Variants in VPS35L observed in about 807,000 individuals in gnomAD.
VPS35L encodes the protein VPS35 endosomal protein-sorting factor-like.
In VPS35L, 83 loss-of-function variants were observed where a neutral mutation model predicts 133.0. The ratio of observed to expected loss-of-function variants is 0.62; its 90% confidence interval spans 0.52 to 0.75. The LOEUF is 0.75. VPS35L is among the 30% of genes least tolerant of loss of function. The pLI is 0.00. For synonymous variants in VPS35L, 423 were observed against 449.9 expected (o/e 0.94, Z 0.76); for missense variants, 1,083 against 1,206.8 (o/e 0.90, Z 1.52).
chr16:19,601,956 C>T (rs1210331832), intron 9 of VPS35L, among the ~76,000 whole-genome samples: 1 of 152,092 alleles, frequency 6.6e-6, no homozygotes, highest in African/African-American at 2.4e-5. Flanking sequence ...AAAGGCCTCA[C>T]AGTTAGATTC....
chr16:19,674,184 CTTTTTTTT>C lies in VPS35L; in HGVS notation c.2361+4903_2361+4910del, dbSNP rs201038834. ...TACCTGGTTCAGTTTTTTTCTTTTTCTTTTTTTTTTTTTTTTTTTTTTTTTGGAGAATC... is the reference window on the plus strand; with the variant it reads ...TACCTGGTTCAGTTTTTTTCTTTTTCTTTTTTTTTTTTTTTTTGGAGAATC... On this transcript the variant is annotated intron_variant, in intron 27 of 30. Transcript: ENST00000417362. Among the ~76,000 whole-genome samples, 7 of 70,912 alleles carry C rather than the reference CTTTTTTTT, an allele frequency of 9.9e-5. 1 individual carries two copies. Among genetic ancestry groups the C allele is most frequent in the East Asian group, 4.7e-4 (1 of 2,132 alleles). 46.5% of individuals were successfully genotyped at this position (70,912 alleles called of 152,430 possible).
chr16:19,600,208 C>T (rs926124258), intron 8 of VPS35L, among the ~76,000 whole-genome samples: 5 of 151,026 alleles, frequency 3.3e-5, no homozygotes, highest in African/African-American at 1.2e-4. Flanking sequence ...TCTCTTTTTC[C>T]ATGTATGGAC....
At chr16:19,605,880 A>C (rs993034989) in intron 9 of VPS35L, among the ~76,000 whole-genome samples, 11 of 132,622 alleles carry the variant, frequency 8.3e-5, no homozygotes, top group Admixed American at 7.7e-4. Flanking sequence ...TGTAAGTTTC[A>C]TGAAGATAGG....
At chr16:19,671,255 G>A (rs1312051042) in intron 27 of VPS35L, among the ~76,000 whole-genome samples, 3 of 152,122 alleles carry the variant, frequency 2.0e-5, no homozygotes, top group African/African-American at 4.8e-5. Context: ...GATCACCTGA[G>A]GTCAGGAGTT....
intron 9 of VPS35L, among the ~76,000 whole-genome samples, chr16:19,605,477 G>A (rs1368228236): frequency 6.6e-6 from 1 of 152,206 alleles, no homozygotes; most frequent in East Asian, 1.9e-4. Flanking sequence ...TCCTCACCAA[G>A]GCTTCAGCCC....
At chr16:19,574,182 C>T (rs773173703) in intron 4 of VPS35L, among the ~76,000 whole-genome samples, 3 of 152,128 alleles carry the variant, frequency 2.0e-5, no homozygotes, top group Non-Finnish European at 4.4e-5. Context: ...AGAAAAGTCT[C>T]GAGGAGAGGA....
In VPS35L at chr16:19,693,882, G is replaced by A. The variant is rs553640010; in HGVS notation, c.2646+2411G>A. Reference sequence around the variant, plus strand: ...GAATTGAAGGCTGCGGCGGGAACTCGAGGCTGCAGTGAGCTGTGATCATGC... The same window carrying A: ...GAATTGAAGGCTGCGGCGGGAACTCAAGGCTGCAGTGAGCTGTGATCATGC... On this transcript the variant is annotated intron_variant, in intron 29 of 30. Transcript: ENST00000417362. Among the ~76,000 whole-genome samples the A allele has an allele frequency of 3.4e-3, 502 of 149,558 alleles. 8 individuals carry two copies. The highest frequency in any genetic ancestry group is 1.6e-3 in the East Asian group (8 of 5,062).
At chr16:19,568,322 A>G (rs563158788) in intron 2 of VPS35L, among the ~76,000 whole-genome samples, 3 of 147,750 alleles carry the variant, frequency 2.0e-5, no homozygotes, top group South Asian at 4.4e-4. Flanking sequence ...TTTTTTTGAG[A>G]CAGGGTCTCA....
intron 26 of VPS35L, among the ~76,000 whole-genome samples, chr16:19,662,060 A>T (rs1293059717): frequency 6.6e-6 from 1 of 152,134 alleles, no homozygotes; most frequent in Non-Finnish European, 1.5e-5. Context: ...AAAAATCAGC[A>T]GGCATGATGG....
At chr16:19,578,179 T>G (rs1597321898) in intron 5 of VPS35L, 5 of 432,952 alleles carry the variant, frequency 1.2e-5, no homozygotes, top group South Asian at 8.4e-5. Flanking sequence ...ACAGTAGAGT[T>G]GAGTAGTTGG....
At chr16:19,593,084 T>C (rs550450128) in intron 8 of VPS35L, among the ~76,000 whole-genome samples, 1 of 152,164 alleles carries the variant, frequency 6.6e-6, no homozygotes, top group Non-Finnish European at 1.5e-5. Flanking sequence ...ACCTCACAGG[T>C]AGAGAGACCT....
intron 7 of VPS35L, among the ~76,000 whole-genome samples, chr16:19,588,306 C>A (rs1971937645): frequency 6.6e-6 from 1 of 152,012 alleles, no homozygotes; most frequent in African/African-American, 2.4e-5. Flanking sequence ...CCCACCTCAG[C>A]CTCCCGAGTA....
chr16:19,633,289 C>G lies in VPS35L; in HGVS notation c.1635+117C>G. On this transcript the variant is annotated intron_variant, in intron 19 of 30. Transcript: ENST00000417362. This position sits in a 1 kb window ranked among gnomAD's most constrained non-coding sequence, Gnocchi z 4.1. ...ACATAATCCTGTGTTTGAATCATAG[C>G]TCTGCCATATCCTAGCCATGTGCCC... 2 of 933,974 alleles carry G rather than the reference C, an allele frequency of 2.1e-6. No individual in the cohort carries two copies. The highest frequency in any genetic ancestry group is 1.4e-5 in the South Asian group (1 of 70,174). 57.9% of individuals were successfully genotyped at this position (933,974 alleles called of 1,614,324 possible).
intron 12 of VPS35L, among the ~76,000 whole-genome samples, chr16:19,611,389 G>A (rs190043108): frequency 4.9e-4 from 75 of 152,206 alleles, no homozygotes; most frequent in African/African-American, 1.4e-3. Flanking sequence ...CTTCCCTATC[G>A]TCCCATCAGT....
intron 3 of VPS35L, among the ~76,000 whole-genome samples, chr16:19,572,756 T>C (rs2057648): frequency 0.29 from 44,173 of 151,952 alleles, 8,148 homozygotes; most frequent in African/African-American, 0.52. Flanking sequence ...AATCTTGGCT[T>C]ACTGCAACCT....
chr16:19,585,338 G>A (rs567941163), intron 7 of VPS35L, among the ~76,000 whole-genome samples: 1 of 152,008 alleles, frequency 6.6e-6, no homozygotes, highest in Non-Finnish European at 1.5e-5. Context: ...ATTTACCTGA[G>A]GGTTCTAATT....
At chr16:19,578,191 G>A in intron 5 of VPS35L, 2 of 437,966 alleles carry the variant, frequency 4.6e-6, no homozygotes, top group African/African-American at 2.1e-5. Context: ...AGTAGTTGGA[G>A]CAGACACTTT....
chr16:19,620,418 A>G (rs926084267), intron 14 of VPS35L, among the ~76,000 whole-genome samples: 1 of 152,198 alleles, frequency 6.6e-6, no homozygotes, highest in African/African-American at 2.4e-5. Flanking sequence ...CCTAGCTTTA[A>G]TAATGCATTA....
rs116351975 is a variant in VPS35L at position 19,665,392 on chromosome 16, T to C, written c.2222-3768T>C. Among the ~76,000 whole-genome samples the C allele has an allele frequency of 7.9e-3, 1,199 of 152,332 alleles. 19 individuals carry two copies. Among genetic ancestry groups the C allele is most frequent in the African/African-American group, 0.027 (1,126 of 41,566 alleles). On this transcript the variant is annotated intron_variant, in intron 26 of 30. Transcript: ENST00000417362. The stretch of plus-strand genomic sequence containing the variant: ...CTCTCTGTCTCCATGGGTTCAATTG[T>C]TTTTGTTTTTAGCTCCCACAAATAA...
Sources: allele counts gnomAD v4.1 joint callset (sites outside exome capture counted in the v4.1 genomes callset), GRCh38; gene constraint gnomAD v4.1.1; non-coding constraint Gnocchi (gnomAD v3.1); transcripts MANE v1.5; gene names NCBI Gene and HGNC (gene_info 2026-07-23, HGNC 2026-07-21).